RALGAPB: variants seen among roughly 807,000 people sequenced by gnomAD.
RALGAPB encodes Ral GTPase activating protein non-catalytic subunit beta.
In RALGAPB, 25 loss-of-function variants were observed where a neutral mutation model predicts 161.1. The observed-to-expected ratio is 0.16, with a 90% CI of 0.11 to 0.22. The LOEUF (loss-of-function observed/expected upper bound fraction) is 0.22. Ranked by LOEUF, RALGAPB falls within the 10% of genes least tolerant of loss-of-function variation. The pLI is 1.00. For synonymous variants in RALGAPB, 629 were observed against 626.1 expected (o/e 1.00, Z -0.07); for missense variants, 1,391 against 1,815.2 (o/e 0.77, Z 4.25).
intron 20 of RALGAPB, among the ~76,000 whole-genome samples, chr20:38,549,711 A>T (rs2087307343): frequency 6.6e-6 from 1 of 152,100 alleles, no homozygotes. Flanking sequence ...CAGATAACGA[A>T]GAAATTTTAA....
At position 38,553,893 on chromosome 20, in the gene RALGAPB, G is replaced by A. The variant is rs2087480958; in HGVS notation, c.3189G>A (p.Arg1063=). 1.2e-6 allele frequency: 2 copies of A among 1,611,678 alleles called. No homozygotes were observed. The highest frequency in any genetic ancestry group is 1.3e-5 in the African/African-American group (1 of 74,718). ...TAGAAGAGAGACACGAAAAATTAAGGAGTGGCATGGCCCAGCAGATTGCTT... is the reference window on the plus strand; with the variant it reads ...TAGAAGAGAGACACGAAAAATTAAGAAGTGGCATGGCCCAGCAGATTGCTT... ...EELEERHEKL[R]SGMAQQIAYE... Residue 1063 remains arginine (R), a synonymous_variant, in exon 22 of 30, where the codon AGG becomes AGA. Coordinates refer to ENST00000262879, the MANE Select transcript of RALGAPB (RefSeq NM_020336.4).
intron 19 of RALGAPB, among the ~76,000 whole-genome samples, 166 bp from the exon 20 acceptor site, chr20:38,548,523 A>G (rs1024628854): frequency 4.6e-5 from 7 of 152,266 alleles, no homozygotes; most frequent in Non-Finnish European, 7.3e-5. Flanking sequence ...TACTTACAGT[A>G]CACGGGTATG....
chr20:38,574,320 G>T, intron 29 of RALGAPB, 22 bp downstream of exon 29: 1 of 1,560,532 alleles, frequency 6.4e-7, no homozygotes, highest in East Asian at 2.3e-5. Flanking sequence ...ATATGTGGCC[G>T]AAGAGTTAAA....
intron 20 of RALGAPB, 123 bp from the exon 21 acceptor site, chr20:38,550,947 GA>G (rs1458242065): frequency 9.0e-7 from 1 of 1,114,530 alleles, no homozygotes; most frequent in Non-Finnish European, 1.3e-6. Flanking sequence ...TGCAGGTTCT[GA>G]GTGAGTTTTT....
chr20:38,514,164 C>G (rs2086058698), intron 6 of RALGAPB, among the ~76,000 whole-genome samples: 1 of 152,126 alleles, frequency 6.6e-6, no homozygotes, highest in South Asian at 2.1e-4. Flanking sequence ...AGCGAACAAC[C>G]CTTTCTCATG....
At chr20:38,570,125 G>A in intron 27 of RALGAPB, 129 bp downstream of exon 27, 1 of 664,814 alleles carries the variant, frequency 1.5e-6, no homozygotes, top group Non-Finnish European at 2.6e-6. Flanking sequence ...GCAAGCCTTG[G>A]TTTGTACCCC....
chr20:38,521,416 T>C, intron 9 of RALGAPB, 81 bp from the exon 10 acceptor site: 1 of 1,578,032 alleles, frequency 6.3e-7, no homozygotes, highest in South Asian at 1.2e-5. Flanking sequence ...ATGACACCAA[T>C]ATTTGATCTT....
Position 38,524,818 on chromosome 20 carries a change from T to C in RALGAPB, c.1660T>C (p.Tyr554His). ...LLIQGLQIND[Y>H]VCHPVLASVI... The stretch of plus-strand genomic sequence containing the variant: ...AATTCAAGGTTTGCAGATAAATGAT[T>C]ATGTGTGCCATCCTGTCTTGGCCAG... The change falls in exon 11 of 30, where the codon TAT (tyrosine) becomes CAT (histidine). Residue 554 changes from tyrosine (Y) to histidine (H), a missense_variant. Transcript: ENST00000262879. 6.2e-7 allele frequency: 1 copy of C among 1,610,362 alleles called. No homozygotes were observed. The highest frequency in any genetic ancestry group is 8.5e-7 in the Non-Finnish European group (1 of 1,176,576).
In RALGAPB at chr20:38,578,704, C is replaced by T. The variant is rs781548765; in HGVS notation, c.*3737C>T. On this transcript the variant is annotated 3_prime_UTR_variant, in exon 30 of 30. Coordinates refer to ENST00000262879, the MANE Select transcript of RALGAPB (RefSeq NM_020336.4). ...CAAAGTGTAAATATGAAGGCGTGCC[C>T]GTGCCCCTTGCCTCCTGTGTTTCAT... is the stretch of plus-strand genomic sequence containing the variant. 5 of 152,588 alleles carry T rather than the reference C, an allele frequency of 3.3e-5. No individual in the cohort carries two copies. The highest frequency in any genetic ancestry group is 1.2e-4 in the African/African-American group (5 of 41,432). 9.5% of individuals were successfully genotyped at this position (152,588 alleles called of 1,614,324 possible).
Position 38,524,774 on chromosome 20 carries a change from C to G in RALGAPB, c.1620-4C>G, listed in dbSNP as rs764364450. The G allele has an allele frequency of 3.8e-6, 6 of 1,592,872 alleles. No homozygotes were observed. The South Asian group carries it at 6.8e-5, about 18-fold the overall frequency. On this transcript the variant is annotated splice_region_variant and splice_polypyrimidine_tract_variant and intron_variant, in intron 10 of 29. Transcript: ENST00000262879. Reference sequence around the variant, plus strand: ...TGTTTAAAATTTTTTTCTTGCTTTCCTAGATTTTACATGCTTTTAATTCAA... The same window carrying G: ...TGTTTAAAATTTTTTTCTTGCTTTCGTAGATTTTACATGCTTTTAATTCAA...
At chr20:38,563,597 G>A (rs1382750523) in intron 24 of RALGAPB, among the ~76,000 whole-genome samples, 1 of 152,138 alleles carries the variant, frequency 6.6e-6, no homozygotes, top group Non-Finnish European at 1.5e-5. Context: ...GGCTCCTGAG[G>A]TCACTGGAAA....
chr20:38,490,454 C>T (rs144969714), intron 2 of RALGAPB, among the ~76,000 whole-genome samples: 5 of 151,734 alleles, frequency 3.3e-5, no homozygotes, highest in African/African-American at 2.4e-5. Flanking sequence ...GTGATCTGCC[C>T]GCCTCGGCCT....
intron 11 of RALGAPB, 32 bp downstream of exon 11, chr20:38,524,977 T>C: frequency 6.4e-7 from 1 of 1,570,662 alleles, no homozygotes; most frequent in Non-Finnish European, 8.8e-7. Flanking sequence ...TTATATCAAC[T>C]GTCTGATTTG....
At chr20:38,478,212 A>G (rs1243680923) in intron 1 of RALGAPB, among the ~76,000 whole-genome samples, 1 of 152,220 alleles carries the variant, frequency 6.6e-6, no homozygotes, top group Non-Finnish European at 1.5e-5. Context: ...TTGAGGCAAG[A>G]GGTGGAGTTT....
rs557807204 is a variant in RALGAPB at position 38,511,069 on chromosome 20, A to G, written c.872+1861A>G. ...ATAAGCAGGATTCTCGTATCTGGCT[A>G]GCAGATGGGGAACAGAGAGCAAGGA... On this transcript the variant is annotated intron_variant, in intron 6 of 29. Coordinates refer to ENST00000262879, the MANE Select transcript of RALGAPB (RefSeq NM_020336.4). 2.6e-5 allele frequency among the ~76,000 whole-genome samples: 4 copies of G among 152,286 alleles called. No individual in the cohort carries two copies. The South Asian group carries it at 8.3e-4, about 32-fold the overall frequency.
At chr20:38,488,726 T>A in intron 2 of RALGAPB, 108 bp downstream of exon 2, 1 of 1,038,788 alleles carries the variant, frequency 9.6e-7, no homozygotes, top group Non-Finnish European at 1.4e-6. Context: ...AGAGCTGTAG[T>A]AGAATAACGT....
chr20:38,505,257 T>A (rs1462454224), intron 5 of RALGAPB, among the ~76,000 whole-genome samples: 1 of 152,142 alleles, frequency 6.6e-6, no homozygotes, highest in African/African-American at 2.4e-5. Flanking sequence ...TGAAAAAGAA[T>A]TAATTGTGTC....
chr20:38,483,434 T>A (rs1375964336), intron 1 of RALGAPB, among the ~76,000 whole-genome samples: 1 of 152,226 alleles, frequency 6.6e-6, no homozygotes, highest in Non-Finnish European at 1.5e-5. Flanking sequence ...CCATTATTGA[T>A]GGAAGTTAAA....
rs1470061430 is a variant in RALGAPB, at chr20:38,517,850, A to C, written c.1267A>C (p.Asn423His). 1.9e-6 allele frequency: 3 copies of C among 1,613,892 alleles called. No individual in the cohort carries two copies. Among genetic ancestry groups the C allele is most frequent in the African/African-American group, 2.7e-5 (2 of 74,906 alleles). The part of the protein sequence containing the change: ...TSSTSPLSSP[N>H]QTSSEPRPLP... ...CTCCACCTCTCCTCTGTCAAGTCCA[A>C]ATCAGACTAGTTCAGAACCCCGGCC... The change falls in exon 9 of 30, where the codon AAT becomes CAT. Residue 423 changes from asparagine (N) to histidine (H), a missense_variant. Asn to His is a moderately conservative substitution (Grantham distance 68). Coordinates refer to ENST00000262879, the MANE Select transcript of RALGAPB (RefSeq NM_020336.4).
Sources: allele counts gnomAD v4.1 joint callset (sites outside exome capture counted in the v4.1 genomes callset), GRCh38; gene constraint gnomAD v4.1.1; transcripts MANE v1.5; gene names NCBI Gene and HGNC (gene_info 2026-07-23, HGNC 2026-07-21).